AK5: variants seen among roughly 807,000 people sequenced by gnomAD.
AK5 encodes the protein adenylate kinase 5.
In AK5, 27 loss-of-function variants were observed where a neutral mutation model predicts 69.5. The observed-to-expected ratio is 0.39, with a 90% CI of 0.29 to 0.54. AK5 has a LOEUF of 0.54. Among genes scored for constraint, AK5 ranks in the 20% least tolerant of loss-of-function variants. The pLI, the probability that AK5 is intolerant of heterozygous loss-of-function variation, is 0.71. For synonymous variants in AK5, 260 were observed against 244.4 expected, an observed-to-expected ratio of 1.06 and a Z score of -0.60; for missense variants, 531 against 700.4, an observed-to-expected ratio of 0.76 and a Z score of 2.73.
intron 8 of AK5, among the ~76,000 whole-genome samples, chr1:77,430,198 A>G (rs567206256): frequency 6.6e-6 from 1 of 152,240 alleles, no homozygotes; most frequent in Admixed American, 6.5e-5. Flanking sequence ...GGTCCAAACA[A>G]GAGTTGATGG....
intron 5 of AK5, among the ~76,000 whole-genome samples, chr1:77,319,980 T>C (rs1660441837): frequency 6.6e-6 from 1 of 152,230 alleles, no homozygotes; most frequent in Admixed American, 6.5e-5. Flanking sequence ...CTCATGCTAC[T>C]ATGCAGAAAT....
At chr1:77,392,165 T>A (rs1003626859) in intron 6 of AK5, among the ~76,000 whole-genome samples, 2 of 152,210 alleles carry the variant, frequency 1.3e-5, no homozygotes, top group African/African-American at 4.8e-5. Context: ...ATTGATTATG[T>A]TTAGGCCTGC....
intron 13 of AK5, among the ~76,000 whole-genome samples, chr1:77,548,898 CTTTTTTTT>C (rs34026852): frequency 1.1e-5 from 1 of 87,900 alleles, no homozygotes; most frequent in Non-Finnish European, 2.2e-5. Context: ...TTGCTTTTAG[CTTTTTTTT>C]TTTTTTTTTT....
At chr1:77,287,185 A>G in intron 2 of AK5, 58 bp downstream of exon 2, 1 of 1,261,976 alleles carries the variant, frequency 7.9e-7, no homozygotes. Context: ...TCTTTAAAAC[A>G]TGCCATATAG....
At chr1:77,398,321 A>G (rs1204620480) in intron 6 of AK5, among the ~76,000 whole-genome samples, 1 of 152,144 alleles carries the variant, frequency 6.6e-6, no homozygotes, top group African/African-American at 2.4e-5. Context: ...AGAGCTCTGT[A>G]GCAGGGAGAC....
intron 12 of AK5, among the ~76,000 whole-genome samples, chr1:77,522,168 T>A (rs1299438431): frequency 2.0e-5 from 3 of 152,170 alleles, no homozygotes; most frequent in South Asian, 2.1e-4. Context: ...CCAAATGTGT[T>A]CATCAATTGT....
At chr1:77,310,119 G>A (rs1248998248) in intron 5 of AK5, among the ~76,000 whole-genome samples, 1 of 152,082 alleles carries the variant, frequency 6.6e-6, no homozygotes, top group Non-Finnish European at 1.5e-5. Context: ...ATAGTGTGAG[G>A]TAGCAATATA....
intron 10 of AK5, among the ~76,000 whole-genome samples, chr1:77,500,669 C>T (rs1367572116): frequency 6.6e-6 from 1 of 152,070 alleles, no homozygotes; most frequent in Non-Finnish European, 1.5e-5. Context: ...ATAATCCCAG[C>T]TACTCGGGAG....
chr1:77,340,499 A>G lies in AK5; in HGVS notation c.822A>G (p.Arg274=). ...ACAATGTAAAAGCTACCCAAAGGAG[A>G]CTAATGAACTTCAAGCAGAATGCTG... ...PDDNVKATQR[R]LMNFKQNAAP... is the part of the protein sequence containing the mutation. The change falls in exon 6 of 14, where the codon AGA becomes AGG. Residue 274 remains arginine, a synonymous_variant. Coordinates refer to ENST00000354567, the MANE Select transcript of AK5 (RefSeq NM_174858.3). The G allele has an allele frequency of 6.2e-7, 1 of 1,614,088 alleles. No homozygotes were observed. The highest frequency in any genetic ancestry group is 8.5e-7 in the Non-Finnish European group (1 of 1,179,988).
At chr1:77,291,067 A>T (rs1658659137) in intron 2 of AK5, among the ~76,000 whole-genome samples, 1 of 152,204 alleles carries the variant, frequency 6.6e-6, no homozygotes, top group Non-Finnish European at 1.5e-5. Flanking sequence ...CTAGAGAAGG[A>T]TGAAAGAGAT....
At chr1:77,556,800 G>A (rs1660127655) in intron 13 of AK5, among the ~76,000 whole-genome samples, 2 of 152,120 alleles carry the variant, frequency 1.3e-5, no homozygotes, top group South Asian at 2.1e-4. Context: ...TTCTCAAAGT[G>A]TGCTCCAAGA....
At chr1:77,327,390 C>CA (rs4033041) in intron 5 of AK5, among the ~76,000 whole-genome samples, 4,027 of 128,890 alleles carry the variant, frequency 0.031, 164 homozygotes, top group African/African-American at 0.094. Flanking sequence ...GATCCTGTCT[C>CA]AAAAAAAAAA....
chr1:77,329,482 A>G (rs893360199), intron 5 of AK5, among the ~76,000 whole-genome samples: 1 of 152,122 alleles, frequency 6.6e-6, no homozygotes, highest in African/African-American at 2.4e-5. Context: ...GCTGGTCTCA[A>G]ACTCCTGGGC....
chr1:77,358,503 G>T (rs1646790926), intron 6 of AK5, among the ~76,000 whole-genome samples: 1 of 152,126 alleles, frequency 6.6e-6, no homozygotes, highest in African/African-American at 2.4e-5. Context: ...ACCCTCTGCA[G>T]ATCACTCTGA....
chr1:77,467,316 G>A (rs1309756421), intron 8 of AK5, among the ~76,000 whole-genome samples: 1 of 152,148 alleles, frequency 6.6e-6, no homozygotes. Context: ...ATGGGTTTCT[G>A]TGAACAGACT....
At chr1:77,527,133 A>G (rs1658336673) in intron 12 of AK5, among the ~76,000 whole-genome samples, 1 of 152,232 alleles carries the variant, frequency 6.6e-6, no homozygotes, top group Non-Finnish European at 1.5e-5. Flanking sequence ...CACCTATTTA[A>G]AAGGTTTTGT....
intron 10 of AK5, among the ~76,000 whole-genome samples, chr1:77,503,405 G>C (rs1433056409): frequency 6.6e-6 from 1 of 152,176 alleles, no homozygotes; most frequent in Non-Finnish European, 1.5e-5. Context: ...AAGAGATTCT[G>C]TGTATGAACA....
intron 1 of AK5, chr1:77,283,139 G>T (rs1472969436): frequency 1.0e-5 from 10 of 985,586 alleles, no homozygotes; most frequent in Non-Finnish European, 1.2e-5. Context: ...GGAATGGGGG[G>T]ACACTTGGAG....
At chr1:77,407,334 A>G (rs1649723398) in intron 6 of AK5, among the ~76,000 whole-genome samples, 1 of 152,218 alleles carries the variant, frequency 6.6e-6, no homozygotes, top group Non-Finnish European at 1.5e-5. Context: ...AAAAGGAATG[A>G]ACTAAGGATA....
Sources: gnomAD v4.1 joint callset for allele counts (sites outside exome capture counted in the v4.1 genomes callset) on GRCh38, gnomAD v4.1.1 for gene constraint, MANE v1.5 for transcripts, NCBI Gene and HGNC (gene_info 2026-07-23, HGNC 2026-07-21) for gene names.